Variants in NRXN3 observed in about 807,000 individuals in gnomAD.
The protein encoded by NRXN3 is neurexin 3.
Under a neutral mutation model 137.6 loss-of-function variants are expected in NRXN3, and 32 were observed. The ratio of observed to expected loss-of-function variants is 0.23; its 90% CI spans 0.18 to 0.31. NRXN3 has a LOEUF of 0.31. NRXN3 is among the 10% of genes least tolerant of loss of function. The pLI, the probability that NRXN3 is intolerant of heterozygous loss-of-function variation, is 1.00. For synonymous variants in NRXN3, 798 were observed against 784.5 expected (o/e 1.02, Z -0.29); for missense variants, 1,574 against 2,062.5 (o/e 0.76, Z 4.59).
At chr14:78,759,868 T>C (rs2098685910) in intron 8 of NRXN3, among the ~76,000 whole-genome samples, 2 of 152,142 alleles carry the variant, frequency 1.3e-5, no homozygotes, top group Admixed American at 1.3e-4. Flanking sequence ...CTGTCAGCTT[T>C]TGACTATAGC....
intron 4 of NRXN3, among the ~76,000 whole-genome samples, chr14:78,389,391 A>G (rs1319593896): frequency 2.0e-5 from 3 of 152,170 alleles, no homozygotes; most frequent in African/African-American, 4.8e-5. Flanking sequence ...ATTGCCTTCC[A>G]GGGAAGTTAC....
chr14:79,223,618 A>C (rs189797039), intron 15 of NRXN3, among the ~76,000 whole-genome samples: 2 of 152,248 alleles, frequency 1.3e-5, no homozygotes, highest in African/African-American at 4.8e-5. Context: ...ATGTGGTCTG[A>C]TGGTGATCCT....
intron 10 of NRXN3, among the ~76,000 whole-genome samples, chr14:78,948,587 T>A (rs1000081444): frequency 6.6e-6 from 1 of 151,754 alleles, no homozygotes; most frequent in African/African-American, 2.4e-5. Context: ...ACAAATATGA[T>A]ATTTTTCATA....
intron 4 of NRXN3, among the ~76,000 whole-genome samples, chr14:78,348,996 G>A (rs1464846154): frequency 6.6e-6 from 1 of 152,304 alleles, no homozygotes; most frequent in Non-Finnish European, 1.5e-5. Flanking sequence ...TTAACCAAGA[G>A]CAACTTTCTG....
chr14:79,497,187 A>G (rs2096775087), intron 16 of NRXN3, among the ~76,000 whole-genome samples: 1 of 152,206 alleles, frequency 6.6e-6, no homozygotes, highest in African/African-American at 2.4e-5. Flanking sequence ...AAGAGGTACA[A>G]TTAACCATGT....
At chr14:79,599,010 T>C (rs221427) in intron 16 of NRXN3, among the ~76,000 whole-genome samples, 75,226 of 152,044 alleles carry the variant, frequency 0.49, 21,148 homozygotes, top group African/African-American at 0.77. Context: ...GCACTCAAGC[T>C]TAACTCTGCA....
intron 16 of NRXN3, among the ~76,000 whole-genome samples, chr14:79,623,474 A>G (rs1055652061): frequency 2.0e-5 from 3 of 152,232 alleles, no homozygotes; most frequent in African/African-American, 7.2e-5. Flanking sequence ...ATAAGTTGGT[A>G]CAGGGGTTCC....
At chr14:78,371,488 A>G (rs1357211703) in intron 4 of NRXN3, among the ~76,000 whole-genome samples, 1 of 152,222 alleles carries the variant, frequency 6.6e-6, no homozygotes, top group East Asian at 1.9e-4. Context: ...GACACTGGAC[A>G]AGAATTCAGG....
chr14:79,493,000 C>T (rs1343987444), intron 16 of NRXN3, among the ~76,000 whole-genome samples: 5 of 152,150 alleles, frequency 3.3e-5, no homozygotes, highest in Non-Finnish European at 7.4e-5. Context: ...AAAGTATTTA[C>T]CTTCATGTGT....
intron 11 of NRXN3, among the ~76,000 whole-genome samples, chr14:78,960,613 T>G (rs1438672042): frequency 6.6e-6 from 1 of 152,210 alleles, no homozygotes; most frequent in African/African-American, 2.4e-5. Context: ...TGATCTATGT[T>G]TCTATTATTA....
At chr14:79,275,345 G>T (rs1291854832) in intron 15 of NRXN3, among the ~76,000 whole-genome samples, 1 of 152,020 alleles carries the variant, frequency 6.6e-6, no homozygotes, top group African/African-American at 2.4e-5. Flanking sequence ...CACCGAAAAA[G>T]CTTAGGGCTC....
chr14:78,681,718 A>T (rs1372370071), intron 6 of NRXN3, among the ~76,000 whole-genome samples: 3 of 152,034 alleles, frequency 2.0e-5, no homozygotes, highest in Non-Finnish European at 2.9e-5. Context: ...TTTTTGGAAA[A>T]GTGGGTCTCC....
At chr14:79,315,847 A>G (rs1291996314) in intron 15 of NRXN3, among the ~76,000 whole-genome samples, 2 of 152,254 alleles carry the variant, frequency 1.3e-5, no homozygotes, top group African/African-American at 2.4e-5. Flanking sequence ...ATATAATTCA[A>G]TGCTACACAA....
chr14:78,489,947 C>T (rs560285604), intron 4 of NRXN3, among the ~76,000 whole-genome samples: 2 of 151,032 alleles, frequency 1.3e-5, no homozygotes, highest in South Asian at 2.1e-4. Context: ...CAGAGTCTCA[C>T]GCTATCACCC....
At chr14:78,388,295 C>T (rs147355663) in intron 4 of NRXN3, among the ~76,000 whole-genome samples, 32 of 152,262 alleles carry the variant, frequency 2.1e-4, no homozygotes, top group Non-Finnish European at 2.8e-4. Flanking sequence ...TGAGTGTATG[C>T]GCAGCTGCAG....
rs557204308 is a variant in NRXN3 at position 79,405,797 on chromosome 14, AC to A, written c.3263-61422del. ...CATGTAATTCATACTTTATGAGGGA[AC>A]CTTTGTCTTCTTGTGATTCTTATTA... On this transcript the variant is annotated intron_variant, in intron 15 of 20. Coordinates refer to ENST00000335750, the MANE Select transcript of NRXN3 (RefSeq NM_001330195.2). Among the ~76,000 whole-genome samples, 3 of 152,220 alleles carry A rather than the reference AC, an allele frequency of 2.0e-5. No homozygotes were observed. In the South Asian group the frequency reaches 6.2e-4, roughly 32 times the overall value.
At chr14:78,939,178 T>C (rs954885141) in intron 10 of NRXN3, among the ~76,000 whole-genome samples, 1 of 152,158 alleles carries the variant, frequency 6.6e-6, no homozygotes, top group African/African-American at 2.4e-5. Context: ...AATCTGACCC[T>C]GTCATTCCCA....
At chr14:79,734,158 CTA>C (rs1469344311) in intron 19 of NRXN3, among the ~76,000 whole-genome samples, 1 of 152,162 alleles carries the variant, frequency 6.6e-6, no homozygotes, top group East Asian at 1.9e-4. Context: ...TGTTTTTCCT[CTA>C]AATAGCTTTG....
At position 79,085,719 on chromosome 14, in the gene NRXN3, A is replaced by G. The variant is rs144856968; in HGVS notation, c.3262+97578A>G. Among the ~76,000 whole-genome samples the G allele has an allele frequency of 3.7e-3, 564 of 152,326 alleles. 2 individuals are homozygous for G. The highest frequency in any genetic ancestry group is 0.013 in the African/African-American group (540 of 41,574). ...TGATACGTAGAATTAGATGGCGAGA[A>G]GAAACGAGGAGAGAGAGGGAAAAAG... On this transcript the variant is annotated intron_variant, in intron 15 of 20. Transcript: ENST00000335750.
Sources: allele counts gnomAD v4.1 joint callset (sites outside exome capture counted in the v4.1 genomes callset), GRCh38; gene constraint gnomAD v4.1.1; transcripts MANE v1.5; gene names NCBI Gene and HGNC (gene_info 2026-07-23, HGNC 2026-07-21).